The following ADCY2 variants were observed in gnomAD, a reference collection of about 807,000 sequenced individuals.
ADCY2 encodes adenylate cyclase 2, also known as adenylate cyclase type 2.
In ADCY2, 31 loss-of-function variants were observed where a neutral mutation model predicts 125.2. The observed-to-expected ratio is 0.25, with a 90% CI of 0.19 to 0.33. The LOEUF (loss-of-function observed/expected upper bound fraction) is 0.33. Ranked by LOEUF, ADCY2 falls within the 10% of genes least tolerant of loss-of-function variation. ADCY2 has a pLI of 1.00. For synonymous variants in ADCY2, 512 were observed against 548.4 expected (o/e 0.93, Z 0.93); for missense variants, 904 against 1,418.2 (o/e 0.64, Z 5.82).
At chr5:7,630,869 C>T (rs1320386601) in intron 4 of ADCY2, among the ~76,000 whole-genome samples, 3 of 151,484 alleles carry the variant, frequency 2.0e-5, no homozygotes, top group East Asian at 3.9e-4. Context: ...TCACTGCAAC[C>T]TCTGCCCCCT....
At position 7,770,957 on chromosome 5, in the gene ADCY2, A is replaced by G. The variant is rs528905056; in HGVS notation, c.2215-1975A>G. ...AGGAAGCCATATGAAATGCAAGCTC[A>G]TATTTCGTTATATTCAACAGAAACA... On this transcript the variant is annotated intron_variant, in intron 17 of 24. Transcript: ENST00000338316. 1.8e-3 allele frequency among the ~76,000 whole-genome samples: 270 copies of G among 152,342 alleles called. 2 individuals carry two copies. The highest frequency in any genetic ancestry group is 6.4e-3 in the African/African-American group (264 of 41,570).
At chr5:7,432,225 T>A (rs1364798119) in intron 2 of ADCY2, among the ~76,000 whole-genome samples, 2 of 152,088 alleles carry the variant, frequency 1.3e-5, no homozygotes, top group African/African-American at 4.8e-5. Flanking sequence ...GCCACTTTCA[T>A]TGGCAATAAA....
chr5:7,827,959 GCTAA>G lies in ADCY2; in HGVS notation c.*1091_*1094del, dbSNP rs902298189. Reference sequence around the variant, plus strand: ...GCAAATCAGTCTCACAATAGCGTGAGCTAACTGAGAGAAGTACTAAGACCCACAA... The same window carrying G: ...GCAAATCAGTCTCACAATAGCGTGAGCTGAGAGAAGTACTAAGACCCACAA... On this transcript the variant is annotated 3_prime_UTR_variant, in exon 25 of 25. Transcript: ENST00000338316. 3.3e-5 allele frequency: 5 copies of G among 152,766 alleles called. No individual in the cohort carries two copies. The highest frequency in any genetic ancestry group is 7.2e-5 in the African/African-American group (3 of 41,462). 9.5% of individuals were successfully genotyped at this position (152,766 alleles called of 1,614,324 possible). A position where few individuals can be genotyped will look rare whatever the true frequency, so the allele number is the denominator to read the frequency against.
At chr5:7,746,390 A>T (rs1193095857) in intron 15 of ADCY2, 1 of 151,674 alleles carries the variant, frequency 6.6e-6, no homozygotes, top group African/African-American at 2.4e-5. Context: ...TTTCACTTTA[A>T]TAATAGGTCC....
chr5:7,398,053 A>G (rs1212510737), intron 1 of ADCY2, among the ~76,000 whole-genome samples: 1 of 152,208 alleles, frequency 6.6e-6, no homozygotes, highest in Non-Finnish European at 1.5e-5. Flanking sequence ...TTTACTTGCC[A>G]GGAAGAAAAG....
intron 3 of ADCY2, among the ~76,000 whole-genome samples, chr5:7,573,831 A>G (rs1177921590): frequency 6.7e-6 from 1 of 148,154 alleles, no homozygotes; most frequent in East Asian, 2.0e-4. Context: ...ACATATGTAT[A>G]CATGTGCCAT....
At chr5:7,742,323 A>T (rs1358943083) in intron 14 of ADCY2, among the ~76,000 whole-genome samples, 1 of 152,140 alleles carries the variant, frequency 6.6e-6, no homozygotes, top group Non-Finnish European at 1.5e-5. Context: ...TTGTGTCAGA[A>T]CAGCCTAGCA....
chr5:7,708,059 T>C, intron 9 of ADCY2: 1 of 487,204 alleles, frequency 2.1e-6, no homozygotes, highest in Non-Finnish European at 3.5e-6. Context: ...TCTGCAGGGG[T>C]GTTGATGCAG....
chr5:7,405,249 T>A (rs1409967948), intron 1 of ADCY2, among the ~76,000 whole-genome samples: 1 of 152,152 alleles, frequency 6.6e-6, no homozygotes, highest in African/African-American at 2.4e-5. Context: ...AAGAAGGATG[T>A]ATCAATTAAC....
intron 4 of ADCY2, among the ~76,000 whole-genome samples, chr5:7,675,027 C>A (rs1156520605): frequency 1.3e-5 from 2 of 151,904 alleles, no homozygotes; most frequent in South Asian, 2.1e-4. Flanking sequence ...TGGTGGCGGG[C>A]ACCTGTAGTC....
intron 3 of ADCY2, among the ~76,000 whole-genome samples, chr5:7,542,663 G>A (rs988546748): frequency 2.0e-5 from 3 of 152,210 alleles, no homozygotes; most frequent in Non-Finnish European, 2.9e-5. Flanking sequence ...ACGCAGCAGC[G>A]CTGAGAAACT....
At chr5:7,767,061 C>G (rs1332832929) in intron 17 of ADCY2, among the ~76,000 whole-genome samples, 2 of 152,178 alleles carry the variant, frequency 1.3e-5, no homozygotes. Context: ...CTTCTCTTAA[C>G]CACTACAGCA....
intron 3 of ADCY2, among the ~76,000 whole-genome samples, chr5:7,538,503 A>AT (rs959454864): frequency 6.6e-6 from 1 of 151,880 alleles, no homozygotes; most frequent in Non-Finnish European, 1.5e-5. Context: ...TTTTTTGTTT[A>AT]TTTTTCAGTA....
At chr5:7,735,453 C>T (rs779599146) in intron 14 of ADCY2, among the ~76,000 whole-genome samples, 1 of 152,174 alleles carries the variant, frequency 6.6e-6, no homozygotes, top group Non-Finnish European at 1.5e-5. Context: ...ATGATGTTAG[C>T]TGTGAGTTTC....
At chr5:7,585,931 T>C (rs1026847301) in intron 3 of ADCY2, among the ~76,000 whole-genome samples, 4 of 152,248 alleles carry the variant, frequency 2.6e-5, no homozygotes, top group Non-Finnish European at 5.9e-5. Context: ...TGAAACACCA[T>C]GCTGTACTCC....
chr5:7,699,643 G>A (rs886458780), intron 7 of ADCY2, among the ~76,000 whole-genome samples: 1 of 152,178 alleles, frequency 6.6e-6, no homozygotes, highest in African/African-American at 2.4e-5. Context: ...CTGGAGTGCA[G>A]TGACAAGATC....
chr5:7,626,418 A>G, intron 4 of ADCY2, 102 bp downstream of exon 4: 1 of 1,364,480 alleles, frequency 7.3e-7, no homozygotes, highest in Non-Finnish European at 9.9e-7. Flanking sequence ...TGAGCTTCAG[A>G]AAAATCAGAG....
intron 2 of ADCY2, among the ~76,000 whole-genome samples, chr5:7,422,174 A>C (rs1740228442): frequency 6.6e-6 from 1 of 152,192 alleles, no homozygotes; most frequent in Admixed American, 6.5e-5. Context: ...CTAAGCTTTT[A>C]AGTGATGTTT....
intron 2 of ADCY2, among the ~76,000 whole-genome samples, chr5:7,484,973 C>T (rs1014512146): frequency 2.0e-5 from 3 of 152,120 alleles, no homozygotes; most frequent in African/African-American, 7.2e-5. Context: ...GACCCCATGC[C>T]AATCTGGAGT....
Sources: gnomAD v4.1 joint callset for allele counts (sites outside exome capture counted in the v4.1 genomes callset) on GRCh38, gnomAD v4.1.1 for gene constraint, MANE v1.5 for transcripts, NCBI Gene and HGNC (gene_info 2026-07-23, HGNC 2026-07-21) for gene names.